Variants in GAS2 observed in about 807,000 individuals in gnomAD.
GAS2 encodes the protein growth arrest-specific protein 2.
In GAS2, 20 loss-of-function variants were observed where a neutral mutation model predicts 37.5. That is an observed-to-expected ratio of 0.53 (90% CI 0.37 to 0.77). The LOEUF is 0.77. GAS2 is among the 30% of genes least tolerant of loss of function. The pLI is 0.00. For missense variants in GAS2, 336 were observed against 373.4 expected, an observed-to-expected ratio of 0.90 and a Z score of 0.82; for synonymous variants, 144 against 132.2, an observed-to-expected ratio of 1.09 and a Z score of -0.61.
At chr11:22,722,934 A>C (rs527685183) in intron 3 of GAS2, among the ~76,000 whole-genome samples, 63 of 152,042 alleles carry the variant, frequency 4.1e-4, no homozygotes, top group Admixed American at 3.7e-3. Flanking sequence ...AATCCATATT[A>C]GTTTCCATTA....
At chr11:22,744,926 A>G (rs1358080886) in intron 5 of GAS2, among the ~76,000 whole-genome samples, 4 of 152,076 alleles carry the variant, frequency 2.6e-5, no homozygotes, top group Admixed American at 6.6e-5. Flanking sequence ...TAGAGAAGTG[A>G]AAGATCTCTA....
chr11:22,644,877 G>T (rs1260748018), intron 1 of GAS2, among the ~76,000 whole-genome samples: 1 of 152,164 alleles, frequency 6.6e-6, no homozygotes, highest in Non-Finnish European at 1.5e-5. Flanking sequence ...GCCTGCCTAA[G>T]CCTCCCAAAG....
intron 4 of GAS2, among the ~76,000 whole-genome samples, chr11:22,732,927 CATTG>C (rs1852555416): frequency 6.6e-6 from 1 of 151,582 alleles, no homozygotes; most frequent in African/African-American, 2.4e-5. Context: ...ATTATTATAA[CATTG>C]ATTAATACAG....
intron 7 of GAS2, among the ~76,000 whole-genome samples, chr11:22,768,370 A>G (rs952457391): frequency 6.6e-6 from 1 of 152,232 alleles, no homozygotes; most frequent in African/African-American, 2.4e-5. Context: ...AAATCACTAC[A>G]TCAAGGTGTT....
At chr11:22,678,974 T>C (rs1849556784) in intron 2 of GAS2, among the ~76,000 whole-genome samples, 1 of 152,106 alleles carries the variant, frequency 6.6e-6, no homozygotes, top group Admixed American at 6.6e-5. Context: ...CTGAAATTTA[T>C]ATATTAGAAT....
intron 3 of GAS2, among the ~76,000 whole-genome samples, chr11:22,706,461 T>C (rs1319215126): frequency 6.6e-6 from 1 of 152,096 alleles, no homozygotes; most frequent in Non-Finnish European, 1.5e-5. Context: ...ATTAGGTATA[T>C]CTCCCAATGC....
intron 7 of GAS2, among the ~76,000 whole-genome samples, chr11:22,769,405 G>T (rs1283305962): frequency 6.6e-6 from 1 of 152,192 alleles, no homozygotes; most frequent in African/African-American, 2.4e-5. Flanking sequence ...AGTACTGAAA[G>T]AATTCCAGGT....
At chr11:22,638,285 A>G (rs1290294287) in intron 1 of GAS2, among the ~76,000 whole-genome samples, 1 of 152,080 alleles carries the variant, frequency 6.6e-6, no homozygotes, top group Non-Finnish European at 1.5e-5. Context: ...AATATTAAGA[A>G]TTGAAAACTT....
At chr11:22,737,580 A>G in intron 4 of GAS2, 125 bp from the exon 5 acceptor site, 1 of 843,612 alleles carries the variant, frequency 1.2e-6, no homozygotes, top group South Asian at 1.4e-5. Flanking sequence ...GGGTTCTATG[A>G]CTGTCAGAAT....
rs562761104 is a variant in GAS2 at position 22,697,297 on chromosome 11, G to A, written c.267+11508G>A. 9.0e-3 allele frequency among the ~76,000 whole-genome samples: 1,370 copies of A among 151,974 alleles called. 19 individuals carry two copies. The highest frequency in any genetic ancestry group is 0.031 in the African/African-American group (1,300 of 41,436). Reference sequence around the variant, plus strand: ...CTGAGGGCTCTGTTCTGTTCCATTGGTCTATATCTCTGTTTTGGTACCAGT... The same window carrying A: ...CTGAGGGCTCTGTTCTGTTCCATTGATCTATATCTCTGTTTTGGTACCAGT... On this transcript the variant is annotated intron_variant, in intron 3 of 7. Coordinates refer to ENST00000454584, the MANE Select transcript of GAS2 (RefSeq NM_001143830.3).
intron 1 of GAS2, among the ~76,000 whole-genome samples, chr11:22,634,039 G>A (rs1311938363): frequency 6.6e-6 from 1 of 152,192 alleles, no homozygotes; most frequent in East Asian, 1.9e-4. Context: ...TGCTGAGGAA[G>A]ACATACCCAA....
At chr11:22,712,831 C>T (rs1402006144) in intron 3 of GAS2, among the ~76,000 whole-genome samples, 3 of 151,964 alleles carry the variant, frequency 2.0e-5, no homozygotes, top group African/African-American at 7.2e-5. Flanking sequence ...AATTCCAGCA[C>T]TTTAGGAGGC....
chr11:22,677,845 A>G (rs1386920088), intron 2 of GAS2, among the ~76,000 whole-genome samples: 2 of 152,186 alleles, frequency 1.3e-5, no homozygotes, highest in African/African-American at 4.8e-5. Context: ...GAAGTAGATG[A>G]TCTCTAATGT....
chr11:22,799,321 A>T (rs1033283496), intron 7 of GAS2, among the ~76,000 whole-genome samples: 8 of 152,080 alleles, frequency 5.3e-5, no homozygotes, highest in African/African-American at 1.7e-4. Flanking sequence ...AGGGGTGAAA[A>T]TTTTATGAAG....
At chr11:22,684,510 A>C (rs184613596) in intron 2 of GAS2, among the ~76,000 whole-genome samples, 1 of 128,792 alleles carries the variant, frequency 7.8e-6, no homozygotes, top group Non-Finnish European at 1.6e-5. Context: ...TTTACACAAA[A>C]AATTAAGGCA....
intron 1 of GAS2, among the ~76,000 whole-genome samples, chr11:22,641,991 G>C (rs1407071096): frequency 6.6e-6 from 1 of 152,138 alleles, no homozygotes; most frequent in Non-Finnish European, 1.5e-5. Flanking sequence ...TTACAGTGTG[G>C]GAAATGGTGG....
intron 7 of GAS2, among the ~76,000 whole-genome samples, chr11:22,767,611 A>C (rs1281058945): frequency 2.0e-5 from 3 of 152,168 alleles, no homozygotes; most frequent in Non-Finnish European, 4.4e-5. Flanking sequence ...GTGTTCTTGA[A>C]TAACTGATGA....
chr11:22,723,045 G>A (rs1269856785), intron 3 of GAS2, among the ~76,000 whole-genome samples: 1 of 151,780 alleles, frequency 6.6e-6, no homozygotes, highest in Non-Finnish European at 1.5e-5. Flanking sequence ...TGATAGACTT[G>A]ATAGGACTAA....
intron 3 of GAS2, among the ~76,000 whole-genome samples, chr11:22,707,980 G>T (rs1022335389): frequency 2.0e-5 from 3 of 152,122 alleles, no homozygotes; most frequent in African/African-American, 4.8e-5. Context: ...CATTTGTTTA[G>T]ATCTGAGATG....
Sources: gnomAD v4.1 joint callset for allele counts (sites outside exome capture counted in the v4.1 genomes callset) on GRCh38, gnomAD v4.1.1 for gene constraint, MANE v1.5 for transcripts, NCBI Gene and HGNC (gene_info 2026-07-23, HGNC 2026-07-21) for gene names.